The following MSN variants were observed in gnomAD, a reference collection of about 807,000 sequenced individuals.
MSN encodes epididymis luminal protein 70.
Under a neutral mutation model 48.0 loss-of-function variants are expected in MSN, and 2 were observed. The observed-to-expected ratio is 0.04, with a 90% CI of 0.02 to 0.13. The LOEUF is 0.13. Ranked by LOEUF, MSN falls within the 10% of genes least tolerant of loss-of-function variation. MSN has a pLI of 1.00. For missense variants in MSN, 267 were observed against 470.1 expected (o/e 0.57, Z 3.99); for synonymous variants, 146 against 166.9 (o/e 0.87, Z 0.97).
chrX:65,717,431 C>T (rs180805306), intron 2 of MSN, among the ~76,000 whole-genome samples: 332 of 111,850 alleles, frequency 3.0e-3, no homozygotes, highest in African/African-American at 9.8e-3. Flanking sequence ...GGACTTAGGA[C>T]AACATGGGAG....
In MSN at chrX:65,634,637, A is replaced by AAAAATAG. The variant is rs200962298; in HGVS notation, c.-22+46029_-22+46030insTAGAAAA. The stretch of plus-strand genomic sequence containing the variant: ...CAAAATAAAATAAAAATAAAAAATA[A>AAAAATAG]AAAAAAGCCATTGAAATCAGCACAA... On this transcript the variant is annotated intron_variant, in intron 1 of 3. Coordinates refer to the MSN transcript ENST00000609672. Among the ~76,000 whole-genome samples the AAAAATAG allele has an allele frequency of 6.2e-3, 695 of 112,336 alleles. 7 individuals carry two copies. The highest frequency in any genetic ancestry group is 0.021 in the African/African-American group (661 of 30,967).
chrX:65,692,282 C>G (rs1415423340), intron 1 of MSN, among the ~76,000 whole-genome samples: 1 of 112,490 alleles, frequency 8.9e-6, no homozygotes, highest in Non-Finnish European at 1.9e-5. Flanking sequence ...CTGGGGCCTC[C>G]TATTGTGGGG....
At chrX:65,704,849 A>C (rs1202095369) in intron 1 of MSN, among the ~76,000 whole-genome samples, 1 of 105,364 alleles carries the variant, frequency 9.5e-6, no homozygotes, top group East Asian at 2.9e-4. Context: ...GGCTCACTGC[A>C]ATCTCCGCTT....
intron 1 of MSN, among the ~76,000 whole-genome samples, chrX:65,675,794 C>T (rs764805809): frequency 1.3e-4 from 14 of 111,152 alleles, no homozygotes; most frequent in Non-Finnish European, 1.5e-4. Flanking sequence ...TGCGCCACCA[C>T]GCCCAGCCAA....
intron 1 of MSN, among the ~76,000 whole-genome samples, chrX:65,711,551 A>G (rs2071415968): frequency 8.9e-6 from 1 of 112,648 alleles, no homozygotes; most frequent in African/African-American, 3.2e-5. Context: ...TCAAAATATT[A>G]TTTATGCTCA....
intron 1 of MSN, among the ~76,000 whole-genome samples, chrX:65,607,805 A>T (rs749702232): frequency 9.1e-6 from 1 of 110,180 alleles, no homozygotes; most frequent in Admixed American, 9.7e-5. Context: ...CTGGGGCTCA[A>T]CCTCTCCCAC....
chrX:65,696,866 GC>G (rs2071247597), intron 1 of MSN, among the ~76,000 whole-genome samples: 1 of 110,880 alleles, frequency 9.0e-6, no homozygotes, highest in Admixed American at 9.6e-5. Context: ...TAAGCTGGAT[GC>G]CATGTGGTCT....
chrX:65,711,540 C>A (rs1341049743), intron 1 of MSN, among the ~76,000 whole-genome samples: 3 of 112,498 alleles, frequency 2.7e-5, no homozygotes, highest in African/African-American at 9.7e-5. Flanking sequence ...TTGTATATTT[C>A]TCAAAATATT....
At chrX:65,666,565 C>T (rs1468512766), upstream of MSN, among the ~76,000 whole-genome samples, 3 of 110,507 alleles carry the variant, frequency 2.7e-5, no homozygotes, top group Non-Finnish European at 3.8e-5. Flanking sequence ...GTGATCAGCC[C>T]GCCTCAGCCT....
At chrX:65,632,188 C>T (rs953715922) in intron 1 of MSN, among the ~76,000 whole-genome samples, 1 of 111,926 alleles carries the variant, frequency 8.9e-6, no homozygotes, top group Admixed American at 9.5e-5. Context: ...GATTGTTAAG[C>T]CATGAGGCTG....
chrX:65,658,626 T>A (rs1256402444), intron 1 of MSN, among the ~76,000 whole-genome samples: 1 of 111,168 alleles, frequency 9.0e-6, no homozygotes, highest in African/African-American at 3.3e-5. Context: ...AACCAGTTTG[T>A]CCCTGGTATT....
intron 1 of MSN, among the ~76,000 whole-genome samples, chrX:65,651,843 C>T (rs192412229): frequency 2.5e-3 from 267 of 107,564 alleles, no homozygotes; most frequent in African/African-American, 8.3e-3. Flanking sequence ...GGTGATCCAC[C>T]CACCTTGGCC....
chrX:65,727,304 C>G (rs12689712), intron 2 of MSN, among the ~76,000 whole-genome samples: 1 of 111,718 alleles, frequency 9.0e-6, no homozygotes, highest in East Asian at 2.8e-4. Context: ...GTTAATCCAA[C>G]AATCTCCACC....
rs1227529233 is a variant in MSN at position 65,741,831 on chromosome X, G to T, written c.*1938G>T. On this transcript the variant is annotated 3_prime_UTR_variant, in exon 13 of 13. Transcript: ENST00000360270. ...AAAAGGTTAGATTTTGTATTCAGGG[G>T]TTTTTTGTGTACTTTTTGGGTTTTT... is the stretch of plus-strand genomic sequence containing the variant. 4.9e-5 allele frequency: 8 copies of T among 163,072 alleles called. No individual in the cohort carries two copies. The East Asian group carries it at 5.3e-4, about 11-fold the overall frequency. 13.4% of individuals were successfully genotyped at this position (163,072 alleles called of 1,213,427 possible). A position where few individuals can be genotyped will look rare whatever the true frequency, so the allele number is the denominator to read the frequency against.
At chrX:65,667,587 CG>C, upstream of MSN, 5 of 888,680 alleles carry the variant, frequency 5.6e-6, no homozygotes, top group Non-Finnish European at 6.9e-6. Context: ...GGCGGGGAGG[CG>C]GGCGCGAGGG....
intron 5 of MSN, among the ~76,000 whole-genome samples, 177 bp from the exon 6 acceptor site, chrX:65,731,661 A>T (rs916429835): frequency 9.2e-6 from 1 of 108,863 alleles, no homozygotes; most frequent in East Asian, 3.0e-4. Context: ...TTGTTAGGAG[A>T]TTTTGCTTTG....
At chrX:65,604,455 G>A (rs12007228) in intron 1 of MSN, among the ~76,000 whole-genome samples, 92 of 111,932 alleles carry the variant, frequency 8.2e-4, no homozygotes, top group African/African-American at 2.7e-3. Context: ...GAAAGTGTGC[G>A]GTGTTAATAG....
At chrX:65,597,626 G>A (rs768853363) in intron 1 of MSN, among the ~76,000 whole-genome samples, 1 of 111,897 alleles carries the variant, frequency 8.9e-6, no homozygotes, top group South Asian at 3.7e-4. Flanking sequence ...GGGATTACAG[G>A]TGTGAGCCAC....
Position 65,646,896 on chromosome X carries a change from G to A in MSN, c.-22+58284G>A, listed in dbSNP as rs190924024. Among the ~76,000 whole-genome samples, 960 of 111,204 alleles carry A rather than the reference G, an allele frequency of 8.6e-3. 10 individuals are homozygous for A. Among genetic ancestry groups the A allele is most frequent in the African/African-American group, 0.029 (880 of 30,640 alleles). Reference sequence around the variant, plus strand: ...CGGGGAGCGGAGGTTGTGGTGAGCCGAGATCGCACCATTGCACTCCAGCCT... The same window carrying A: ...CGGGGAGCGGAGGTTGTGGTGAGCCAAGATCGCACCATTGCACTCCAGCCT... On this transcript the variant is annotated intron_variant, in intron 1 of 3. Coordinates refer to the MSN transcript ENST00000609672.
Sources: allele counts gnomAD v4.1 joint callset (sites outside exome capture counted in the v4.1 genomes callset), GRCh38; gene constraint gnomAD v4.1.1; transcripts MANE v1.5; gene names NCBI Gene and HGNC (gene_info 2026-07-23, HGNC 2026-07-21).